PCYT2: variants seen among roughly 807,000 people sequenced by gnomAD.
PCYT2 encodes phosphate cytidylyltransferase 2, ethanolamine, also known as ethanolamine-phosphate cytidylyltransferase.
PCYT2 carries 33 observed loss-of-function variants against 50.0 expected under a neutral mutation model. The observed-to-expected ratio is 0.66, with a 90% CI of 0.50 to 0.88. The LOEUF is 0.88. Ranked by LOEUF, PCYT2 falls within the 40% of genes least tolerant of loss-of-function variation. The pLI is 0.00. For missense variants in PCYT2, 430 were observed against 519.7 expected (o/e 0.83, Z 1.68); for synonymous variants, 240 against 203.7 (o/e 1.18, Z -1.52).
rs1460602821 is a variant in PCYT2, at chr17:81,911,338, G to A, written c.18C>T (p.Arg6=). Residue 6 remains arginine, a synonymous_variant, in exon 1 of 13, where the codon CGC becomes CGT. Transcript: ENST00000538936. MIRNG[R]GAAGGAEQPG... ...GCTGCTCTGCGCCGCCTGCAGCCCC[G>A]CGCCCGTTCCGGATCATGGCCCCGC... The A allele has an allele frequency of 6.4e-6, 7 of 1,093,776 alleles. No individual in the cohort carries two copies. Among genetic ancestry groups the A allele is most frequent in the Non-Finnish European group, 7.8e-6 (7 of 895,552 alleles). 67.8% of individuals were successfully genotyped at this position (1,093,776 alleles called of 1,614,324 possible). A position where few individuals can be genotyped will look rare whatever the true frequency, so the allele number is the denominator to read the frequency against.
rs929716221 is a variant in PCYT2, at chr17:81,903,936, C to T, written c.*897G>A. ...CTCCCGGAGGCTGCAGTAAGAACCT[C>T]TTCGGCCTCTGGGCTGCTCCAGGCG... On this transcript the variant is annotated 3_prime_UTR_variant, in exon 13 of 13. Transcript: ENST00000538936. 6.6e-6 allele frequency: 1 copy of T among 152,288 alleles called. No individual in the cohort carries two copies. The highest frequency in any genetic ancestry group is 3.2e-3 in the Middle Eastern group (1 of 316). The allele number at this position is 152,288 out of a possible 1,614,324, so 9.4% of individuals were successfully genotyped here. A position where few individuals can be genotyped will look rare whatever the true frequency, so the allele number is the denominator to read the frequency against.
Position 81,902,739 on chromosome 17 carries a change from CG to C in PCYT2, c.*2093del, listed in dbSNP as rs748435349. 2 of 1,606,528 alleles carry C rather than the reference CG, an allele frequency of 1.2e-6. No homozygotes were observed. On this transcript the variant is annotated 3_prime_UTR_variant, in exon 13 of 13. Coordinates refer to ENST00000538936, the MANE Select transcript of PCYT2 (RefSeq NM_002861.5). Reference sequence around the variant, plus strand: ...TGTCCCTGCGCGCAGCCGACTGCCTCGCCGCCTGAGCCCGGACCTCTCCTGG... The same window carrying C: ...TGTCCCTGCGCGCAGCCGACTGCCTCCCGCCTGAGCCCGGACCTCTCCTGG...
intron 8 of PCYT2, 48 bp from the exon 9 acceptor site, chr17:81,906,225 C>T: frequency 6.6e-7 from 1 of 1,508,890 alleles, no homozygotes; most frequent in African/African-American, 1.4e-5. Flanking sequence ...TTTGGGGGGA[C>T]AGGGTGTGCC....
intron 1 of PCYT2, 169 bp downstream of exon 1, chr17:81,911,098 G>A (rs906837374): frequency 2.8e-5 from 28 of 1,002,560 alleles, no homozygotes; most frequent in Admixed American, 5.9e-5. Context: ...CGGAGCCTCT[G>A]CAGCCCGACC....
In PCYT2 at chr17:81,907,116, C is replaced by T. The variant is rs181779565; in HGVS notation, c.538-218G>A. ...GCAGACACCACTTCAGCCCAGCAAG[C>T]GACCACCAGGAGGAGGCAAGGAGCC... On this transcript the variant is annotated intron_variant, in intron 6 of 12. Transcript: ENST00000538936. 5.7e-3 allele frequency: 6,939 copies of T among 1,225,528 alleles called. 50 individuals are homozygous for T. The highest frequency in any genetic ancestry group is 0.019 in the Middle Eastern group (92 of 4,806). The allele number at this position is 1,225,528 out of a possible 1,614,324, so 75.9% of individuals were successfully genotyped here.
In PCYT2 at chr17:81,906,489, A is replaced by G. The variant is rs1216183979; in HGVS notation, c.734T>C (p.Ile245Thr). ...CTGGTCAAAGTGTAAGCCCGCGATGATGTAGGGCCTCTCTGCCAGCCTGTG... is the reference window on the plus strand; with the variant it reads ...CTGGTCAAAGTGTAAGCCCGCGATGGTGTAGGGCCTCTCTGCCAGCCTGTG... ...KVHRLAERPY[I>T]IAGLHFDQEV... Residue 245 changes from isoleucine (I) to threonine (T), a missense_variant, in exon 8 of 13, where the codon ATC becomes ACC. Coordinates refer to ENST00000538936, the MANE Select transcript of PCYT2 (RefSeq NM_002861.5). 6.2e-7 allele frequency: 1 copy of G among 1,613,480 alleles called. No individual in the cohort carries two copies. Among genetic ancestry groups the G allele is most frequent in the Middle Eastern group, 1.6e-4 (1 of 6,062 alleles).
intron 1 of PCYT2, chr17:81,910,762 C>G: frequency 2.3e-6 from 1 of 442,094 alleles, no homozygotes; most frequent in Non-Finnish European, 3.0e-6. Flanking sequence ...CACTTGTTGA[C>G]AACCCGAAAC....
chr17:81,907,262 A>C (rs1344317629), intron 6 of PCYT2: 1 of 1,532,338 alleles, frequency 6.5e-7, no homozygotes, highest in South Asian at 1.2e-5. Flanking sequence ...AGGGGGCTAC[A>C]ATGGGAGAGA....
intron 3 of PCYT2, 46 bp from the exon 4 acceptor site, chr17:81,908,680 C>A (rs1447244928): frequency 1.3e-6 from 2 of 1,520,108 alleles, no homozygotes; most frequent in Non-Finnish European, 1.8e-6. Context: ...CCAAAGCCAC[C>A]AGAACCTTCA....
intron 1 of PCYT2, chr17:81,910,817 G>A (rs2040556285): frequency 1.6e-5 from 14 of 874,752 alleles, no homozygotes; most frequent in Non-Finnish European, 1.8e-5. Flanking sequence ...AAGACCGATC[G>A]CATTCTAGCC....
chr17:81,909,439 G>T, intron 2 of PCYT2, 75 bp downstream of exon 2: 1 of 1,515,128 alleles, frequency 6.6e-7, no homozygotes, highest in Non-Finnish European at 9.1e-7. Context: ...CCCCAGGCCT[G>T]CAGGCTTTCA....
chr17:81,902,728 G>A lies in PCYT2; in HGVS notation c.*2105C>T. On this transcript the variant is annotated 3_prime_UTR_variant, in exon 13 of 13. Coordinates refer to ENST00000538936, the MANE Select transcript of PCYT2 (RefSeq NM_002861.5). The stretch of plus-strand genomic sequence containing the variant: ...GAACGTCTTCCTGTCCCTGCGCGCA[G>A]CCGACTGCCTCGCCGCCTGAGCCCG... 1 of 1,607,820 alleles carries A rather than the reference G, an allele frequency of 6.2e-7. No individual in the cohort carries two copies. Among genetic ancestry groups the A allele is most frequent in the South Asian group, 1.1e-5 (1 of 90,480 alleles).
chr17:81,902,084 C>G lies in PCYT2; in HGVS notation c.*2749G>C. ...CAGATCCTTGCGCGCCTCCAGCGCT[C>G]GCCCGCGCGGCTGGTTCCTTTGGGA... On this transcript the variant is annotated 3_prime_UTR_variant, in exon 13 of 13. Transcript: ENST00000538936. 1 of 377,090 alleles carries G rather than the reference C, an allele frequency of 2.7e-6. No homozygotes were observed. The highest frequency in any genetic ancestry group is 4.3e-6 in the Non-Finnish European group (1 of 233,520). The allele number at this position is 377,090 out of a possible 1,614,324, so 23.4% of individuals were successfully genotyped here. A position where few individuals can be genotyped will look rare whatever the true frequency, so the allele number is the denominator to read the frequency against.
chr17:81,906,452 G>A lies in PCYT2; in HGVS notation c.759+12C>T, dbSNP rs1468155002. ...AGCTGCCCAGGGGCCCAGGGAGCAA[G>A]AAGGCAGTGACCTGGTCAAAGTGTA... On this transcript the variant is annotated intron_variant, in intron 8 of 12. Transcript: ENST00000538936. The A allele has an allele frequency of 1.9e-6, 3 of 1,611,868 alleles. No homozygotes were observed. Among genetic ancestry groups the A allele is most frequent in the African/African-American group, 2.7e-5 (2 of 74,904 alleles).
At chr17:81,909,323 TG>T in intron 2 of PCYT2, 190 bp downstream of exon 2, 2 of 1,433,758 alleles carry the variant, frequency 1.4e-6, no homozygotes, top group South Asian at 2.9e-5. Flanking sequence ...TCTCTTTAGC[TG>T]GGACAGGAAA....
At chr17:81,910,388 C>T (rs950260568) in intron 1 of PCYT2, among the ~76,000 whole-genome samples, 15 of 152,360 alleles carry the variant, frequency 9.8e-5, no homozygotes, top group African/African-American at 3.4e-4. Context: ...CAGAGTTGCT[C>T]CACTGCACAC....
chr17:81,905,291 G>A, intron 11 of PCYT2, 91 bp downstream of exon 11: 2 of 1,351,738 alleles, frequency 1.5e-6, no homozygotes, highest in Non-Finnish European at 2.1e-6. Flanking sequence ...GCGCCACCAT[G>A]CCCGTTTCCC....
Position 81,905,464 on chromosome 17 carries a change from G to A in PCYT2, c.904-17C>T. On this transcript the variant is annotated splice_polypyrimidine_tract_variant and intron_variant, in intron 10 of 12. Coordinates refer to ENST00000538936, the MANE Select transcript of PCYT2 (RefSeq NM_002861.5). ...CAGGTCCACCTGGAGAAGGAGTGGGGTCAGGAGCCCTCCCCGGGGAGGCAG... is the reference window on the plus strand; with the variant it reads ...CAGGTCCACCTGGAGAAGGAGTGGGATCAGGAGCCCTCCCCGGGGAGGCAG... The A allele has an allele frequency of 1.3e-6, 2 of 1,562,502 alleles. No individual in the cohort carries two copies. Among genetic ancestry groups the A allele is most frequent in the South Asian group, 1.2e-5 (1 of 85,594 alleles).
Position 81,903,565 on chromosome 17 carries a change from G to C in PCYT2, c.*1268C>G, listed in dbSNP as rs2040070620. ...TCTGCTCAGGGGACCCCGCAGTCCA[G>C]GGTTCTGAGTGGGAGCATTGGCACC... On this transcript the variant is annotated 3_prime_UTR_variant, in exon 13 of 13. Coordinates refer to ENST00000538936, the MANE Select transcript of PCYT2 (RefSeq NM_002861.5). 6.6e-6 allele frequency: 1 copy of C among 152,416 alleles called. No individual in the cohort carries two copies. The highest frequency in any genetic ancestry group is 1.5e-5 in the Non-Finnish European group (1 of 68,180). The allele number at this position is 152,416 out of a possible 1,614,324, so 9.4% of individuals were successfully genotyped here. A position where few individuals can be genotyped will look rare whatever the true frequency, so the allele number is the denominator to read the frequency against.
Sources: allele counts gnomAD v4.1 joint callset (sites outside exome capture counted in the v4.1 genomes callset), GRCh38; gene constraint gnomAD v4.1.1; transcripts MANE v1.5; gene names NCBI Gene and HGNC (gene_info 2026-07-23, HGNC 2026-07-21).